Variants in ABCB1 observed in about 807,000 individuals in gnomAD.
ABCB1 encodes ATP-dependent translocase ABCB1.
Under a neutral mutation model 142.0 loss-of-function variants are expected in ABCB1, and 69 were observed. The ratio of observed to expected loss-of-function variants is 0.49; its 90% CI spans 0.40 to 0.59. The LOEUF (loss-of-function observed/expected upper bound fraction) is 0.59, where lower values mean the gene tolerates loss of function less well. Ranked by LOEUF, ABCB1 falls within the 20% of genes least tolerant of loss-of-function variation. ABCB1 has a pLI of 0.00. For missense variants in ABCB1, 1,326 were observed against 1,554.7 expected, an observed-to-expected ratio of 0.85 and a Z score of 2.47; for synonymous variants, 532 against 539.2, an observed-to-expected ratio of 0.99 and a Z score of 0.18.
chr7:87,643,993 G>C (rs745391241), intron 1 of ABCB1, among the ~76,000 whole-genome samples: 31 of 152,280 alleles, frequency 2.0e-4, no homozygotes, highest in Non-Finnish European at 4.3e-4. Context: ...TGAGTAGCTG[G>C]GACTACAAGT....
rs770575493 is a variant in ABCB1, at chr7:87,611,346, G to C, written c.-330-10268C>G. 4.4e-4 allele frequency among the ~76,000 whole-genome samples: 67 copies of C among 152,240 alleles called. 1 individual carries two copies. The highest frequency in any genetic ancestry group is 3.4e-3 in the Middle Eastern group (1 of 294). ...TCCTATCACCCAGAGTGCCCATTAG[G>C]ATGTTTTTCAGCCCTTGCTCTCCTC... On this transcript the variant is annotated intron_variant, in intron 1 of 28. Transcript: ENST00000265724.
chr7:87,511,106 C>G lies in ABCB1; in HGVS notation c.3283-1625G>C, dbSNP rs565822894. Among the ~76,000 whole-genome samples, 3 of 152,316 alleles carry G rather than the reference C, an allele frequency of 2.0e-5. 1 individual carries two copies. Among genetic ancestry groups the G allele is most frequent in the African/African-American group, 7.2e-5 (3 of 41,568 alleles). ...GAGTTTCTTCATTACACTGAATACA[C>G]TCTTGGGCCTCCTCGTCCCCGCATA... On this transcript the variant is annotated intron_variant, in intron 25 of 27. Coordinates refer to ENST00000622132, the MANE Select transcript of ABCB1 (RefSeq NM_001348946.2).
At position 87,682,432 on chromosome 7, in the gene ABCB1, G is replaced by C. The variant is rs1827019211; in HGVS notation, c.-331+30729C>G. ...ATCAGAAGACTCATTGTCTATGGAG[G>C]CTAGAGCCTTAAGAAATATACTTTT... On this transcript the variant is annotated intron_variant, in intron 1 of 28. Coordinates refer to the ABCB1 transcript ENST00000265724. Among the ~76,000 whole-genome samples, 3 of 152,162 alleles carry C rather than the reference G, an allele frequency of 2.0e-5. No homozygotes were observed. The South Asian group carries it at 6.2e-4, about 32-fold the overall frequency.
intron 1 of ABCB1, among the ~76,000 whole-genome samples, chr7:87,616,385 G>A (rs1213003016): frequency 6.6e-6 from 1 of 152,204 alleles, no homozygotes; most frequent in African/African-American, 2.4e-5. Flanking sequence ...TATGTGATAA[G>A]AAGTGATGGA....
At chr7:87,614,988 G>A (rs1224166721) in intron 1 of ABCB1, among the ~76,000 whole-genome samples, 2 of 151,964 alleles carry the variant, frequency 1.3e-5, no homozygotes, top group African/African-American at 4.8e-5. Flanking sequence ...TGGACTAGAG[G>A]TGCCCGCCAC....
At chr7:87,606,571 T>C (rs1000588801) in intron 1 of ABCB1, among the ~76,000 whole-genome samples, 1 of 152,094 alleles carries the variant, frequency 6.6e-6, no homozygotes, top group African/African-American at 2.4e-5. Context: ...AAAAAAGTAG[T>C]AATATAAAAC....
intron 1 of ABCB1, among the ~76,000 whole-genome samples, chr7:87,626,200 G>C (rs867974421): frequency 8.3e-5 from 8 of 96,384 alleles, no homozygotes; most frequent in Non-Finnish European, 2.1e-5. Context: ...TCATATATAT[G>C]TCATATATAT....
At chr7:87,519,926 G>C (rs1189830843) in intron 22 of ABCB1, among the ~76,000 whole-genome samples, 2 of 152,032 alleles carry the variant, frequency 1.3e-5, no homozygotes, top group Non-Finnish European at 2.9e-5. Flanking sequence ...CCTGACTTGA[G>C]TTGAATTACT....
chr7:87,618,588 C>T (rs768769890), intron 1 of ABCB1, among the ~76,000 whole-genome samples: 3 of 152,208 alleles, frequency 2.0e-5, no homozygotes, highest in Non-Finnish European at 4.4e-5. Flanking sequence ...TTCCTTCTTT[C>T]ACCACTGTGG....
At chr7:87,657,661 T>G (rs1824245926) in intron 1 of ABCB1, among the ~76,000 whole-genome samples, 2 of 152,164 alleles carry the variant, frequency 1.3e-5, no homozygotes, top group Non-Finnish European at 2.9e-5. Flanking sequence ...AGTAATGTGC[T>G]GGTTCCTGGC....
chr7:87,707,239 A>C (rs1023915701), intron 1 of ABCB1, among the ~76,000 whole-genome samples: 5 of 152,208 alleles, frequency 3.3e-5, no homozygotes. Flanking sequence ...TGAAATCAAG[A>C]AAAATGAAAA....
At chr7:87,559,413 A>G (rs1039337749) in intron 8 of ABCB1, among the ~76,000 whole-genome samples, 8 of 152,084 alleles carry the variant, frequency 5.3e-5, no homozygotes, top group African/African-American at 1.9e-4. Context: ...TTAATCTGTT[A>G]CAAGTTTTCC....
chr7:87,521,990 G>C (rs902247165), intron 21 of ABCB1: 92 of 849,922 alleles, frequency 1.1e-4, no homozygotes, highest in Non-Finnish European at 1.6e-4. Context: ...CACTTGTGAA[G>C]TTAGGAAAGC....
intron 3 of ABCB1, among the ~76,000 whole-genome samples, chr7:87,589,954 C>G (rs769510191): frequency 1.3e-5 from 2 of 151,802 alleles, no homozygotes; most frequent in Non-Finnish European, 2.9e-5. Flanking sequence ...TGATCCGTGC[C>G]TAATGCCAAA....
At chr7:87,703,885 C>CTTTTTTTTTTTTTTTTTT in intron 1 of ABCB1, among the ~76,000 whole-genome samples, 41 of 60,246 alleles carry the variant, frequency 6.8e-4, no homozygotes, top group Non-Finnish European at 8.6e-4. Flanking sequence ...TCAGTTTTTT[C>CTTTTTTTTTTTTTTTTTT]TTTTTTTTTT....
At chr7:87,700,110 T>C (rs983837138) in intron 1 of ABCB1, among the ~76,000 whole-genome samples, 1 of 152,146 alleles carries the variant, frequency 6.6e-6, no homozygotes, top group African/African-American at 2.4e-5. Flanking sequence ...TTTAAGCGAC[T>C]GTATTAGACA....
chr7:87,664,278 A>G (rs1825011289), intron 1 of ABCB1, among the ~76,000 whole-genome samples: 1 of 152,092 alleles, frequency 6.6e-6, no homozygotes, highest in African/African-American at 2.4e-5. Flanking sequence ...GTACACTATT[A>G]TTGTACCTGG....
intron 21 of ABCB1, chr7:87,521,465 C>G: frequency 1.4e-6 from 1 of 724,370 alleles, no homozygotes; most frequent in Non-Finnish European, 2.5e-6. Flanking sequence ...GCCGTCATGT[C>G]TAAGTCAGAG....
At chr7:87,636,461 G>A (rs1288315960) in intron 1 of ABCB1, among the ~76,000 whole-genome samples, 2 of 152,080 alleles carry the variant, frequency 1.3e-5, no homozygotes, top group Non-Finnish European at 1.5e-5. Context: ...TGTACATTCT[G>A]TATGGGAATC....
Sources: gnomAD v4.1 joint callset for allele counts (sites outside exome capture counted in the v4.1 genomes callset) on GRCh38, gnomAD v4.1.1 for gene constraint, MANE v1.5 for transcripts, NCBI Gene and HGNC (gene_info 2026-07-23, HGNC 2026-07-21) for gene names.